Variants in SLC44A5 observed in about 807,000 individuals in gnomAD.
SLC44A5 encodes choline transporter-like protein 5.
Under a neutral mutation model 101.8 loss-of-function variants are expected in SLC44A5, and 57 were observed. The observed-to-expected ratio is 0.56, with a 90% CI of 0.45 to 0.70. The LOEUF (loss-of-function observed/expected upper bound fraction) is 0.70, where lower values mean the gene tolerates loss of function less well. Among genes scored for constraint, SLC44A5 ranks in the 30% least tolerant of loss-of-function variants. The probability of loss-of-function intolerance (pLI) is 0.00; values close to 1 mark genes in which losing one functional copy is unlikely to be tolerated. For missense variants in SLC44A5, 737 were observed against 853.1 expected (o/e 0.86, Z 1.70); for synonymous variants, 281 against 290.9 (o/e 0.97, Z 0.35).
intron 2 of SLC44A5, among the ~76,000 whole-genome samples, chr1:75,478,371 C>T (rs1193591474): frequency 6.6e-6 from 1 of 152,176 alleles, no homozygotes; most frequent in Non-Finnish European, 1.5e-5. Context: ...CAGCTAACAT[C>T]ATAATGACAG....
chr1:75,335,702 G>T, intron 4 of SLC44A5, among the ~76,000 whole-genome samples: 1 of 152,170 alleles, frequency 6.6e-6, no homozygotes. Context: ...AGCCTTACAG[G>T]TCTCATTATG....
the SLC44A5 span, among the ~76,000 whole-genome samples, chr1:75,630,262 T>C: frequency 6.6e-6 from 1 of 152,192 alleles, no homozygotes; most frequent in African/African-American, 2.4e-5. Context: ...TCTGTCTGCC[T>C]GCTGGATTTC....
Position 75,262,203 on chromosome 1 carries a change from T to A in SLC44A5, c.261-10909A>T, listed in dbSNP as rs141567744. ...AAAAGAGGAAGTCAAATTGTCTCTG[T>A]TTGCAGATGACATGATTGTATATTT... On this transcript the variant is annotated intron_variant, in intron 6 of 23. Transcript: ENST00000370859. 2.2e-3 allele frequency among the ~76,000 whole-genome samples: 334 copies of A among 152,310 alleles called. 1 individual carries two copies. The South Asian group carries it at 0.023, about 11-fold the overall frequency.
At chr1:75,337,330 G>C (rs1657524554) in intron 4 of SLC44A5, among the ~76,000 whole-genome samples, 1 of 152,168 alleles carries the variant, frequency 6.6e-6, no homozygotes, top group Non-Finnish European at 1.5e-5. Context: ...TTCCTACAAG[G>C]CAGTACAGGA....
intron 6 of SLC44A5, among the ~76,000 whole-genome samples, chr1:75,255,918 T>C (rs1649982264): frequency 6.6e-6 from 1 of 152,044 alleles, no homozygotes; most frequent in South Asian, 2.1e-4. Context: ...CAATCAAATA[T>C]AAAAAGAGAA....
intron 2 of SLC44A5, among the ~76,000 whole-genome samples, chr1:75,513,639 C>A (rs1202610543): frequency 1.3e-5 from 2 of 152,130 alleles, no homozygotes; most frequent in Non-Finnish European, 2.9e-5. Flanking sequence ...ACTTGCCAGC[C>A]ACTCACTTGG....
intron 2 of SLC44A5, among the ~76,000 whole-genome samples, chr1:75,523,315 G>T (rs1204133415): frequency 1.3e-5 from 2 of 152,002 alleles, no homozygotes; most frequent in African/African-American, 4.8e-5. Flanking sequence ...ATATAATCTT[G>T]AGCAAGAAAT....
At chr1:75,294,742 CCTAGAGGACATTATG>C in intron 5 of SLC44A5, among the ~76,000 whole-genome samples, 1 of 152,110 alleles carries the variant, frequency 6.6e-6, no homozygotes, top group South Asian at 2.1e-4. Flanking sequence ...CATGAGTGAA[CCTAGAGGACATTATG>C]CTAAGTGAAA....
intron 5 of SLC44A5, among the ~76,000 whole-genome samples, chr1:75,295,931 C>CA (rs1653929102): frequency 6.6e-6 from 1 of 151,988 alleles, no homozygotes; most frequent in Admixed American, 6.5e-5. Flanking sequence ...ATTATTGCCC[C>CA]AAAACAATAA....
chr1:75,232,368 G>A (rs1464095795), intron 12 of SLC44A5, among the ~76,000 whole-genome samples: 3 of 152,046 alleles, frequency 2.0e-5, no homozygotes, highest in African/African-American at 4.8e-5. Context: ...TGAATCACAA[G>A]CCCAGACTCT....
chr1:75,309,701 G>A (rs961379487), intron 4 of SLC44A5, among the ~76,000 whole-genome samples: 2 of 152,184 alleles, frequency 1.3e-5, no homozygotes, highest in African/African-American at 4.8e-5. Context: ...ATTGCCCTGG[G>A]TTGTCCATAG....
intron 2 of SLC44A5, among the ~76,000 whole-genome samples, chr1:75,481,562 AAAAC>A (rs1346094385): frequency 1.3e-5 from 2 of 152,122 alleles, no homozygotes; most frequent in Non-Finnish European, 2.9e-5. Context: ...TTACAAGAAA[AAAAC>A]AAACGACCCC....
intron 2 of SLC44A5, among the ~76,000 whole-genome samples, chr1:75,419,186 A>T (rs1663843480): frequency 6.6e-6 from 1 of 152,208 alleles, no homozygotes. Flanking sequence ...AAGGGCAGAA[A>T]AATATTTGAA....
chr1:75,676,357 T>C, the SLC44A5 span, among the ~76,000 whole-genome samples: 3 of 152,330 alleles, frequency 2.0e-5, no homozygotes, highest in East Asian at 5.8e-4. Flanking sequence ...CATGAAATAC[T>C]ATGCAGATGC....
At chr1:75,583,288 A>C (rs1039925155) in intron 1 of SLC44A5, among the ~76,000 whole-genome samples, 1 of 152,216 alleles carries the variant, frequency 6.6e-6, no homozygotes, top group South Asian at 2.1e-4. Context: ...TCATTTGACT[A>C]TCAGATGCCC....
the SLC44A5 span, chr1:75,720,331 C>T: frequency 6.6e-6 from 1 of 152,170 alleles, no homozygotes; most frequent in African/African-American, 2.4e-5. Flanking sequence ...GAGCGTAGGT[C>T]TGTATAGTCC....
At chr1:75,301,016 G>T (rs1457666925) in intron 4 of SLC44A5, among the ~76,000 whole-genome samples, 1 of 151,972 alleles carries the variant, frequency 6.6e-6, no homozygotes, top group Non-Finnish European at 1.5e-5. Context: ...TAAGCTATTT[G>T]ATTTTATGAT....
intron 2 of SLC44A5, among the ~76,000 whole-genome samples, chr1:75,398,782 CTT>C (rs1247983565): frequency 1.3e-5 from 2 of 152,082 alleles, no homozygotes; most frequent in African/African-American, 4.8e-5. Context: ...CAGCTTATGT[CTT>C]TTTCAAAACT....
chr1:75,374,875 G>A (rs538887125), intron 3 of SLC44A5, among the ~76,000 whole-genome samples: 52 of 152,198 alleles, frequency 3.4e-4, no homozygotes, highest in African/African-American at 1.2e-3. Context: ...TCCAAATGAC[G>A]GCAATTTCAA....
Sources: gnomAD v4.1 joint callset for allele counts (sites outside exome capture counted in the v4.1 genomes callset) on GRCh38, gnomAD v4.1.1 for gene constraint, MANE v1.5 for transcripts, NCBI Gene and HGNC (gene_info 2026-07-23, HGNC 2026-07-21) for gene names.